The following CNTNAP4 variants were observed in gnomAD, a reference collection of about 807,000 sequenced individuals.
CNTNAP4 encodes the protein contactin associated protein family member 4.
In CNTNAP4, 98 loss-of-function variants were observed where a neutral mutation model predicts 148.4. That is an observed-to-expected ratio of 0.66 (90% confidence interval 0.56 to 0.78). The LOEUF (loss-of-function observed/expected upper bound fraction) is 0.78. Among genes scored for constraint, CNTNAP4 ranks in the 30% least tolerant of loss-of-function variants. The pLI is 0.00. For synonymous variants in CNTNAP4, 730 were observed against 565.1 expected, an observed-to-expected ratio of 1.29 and a Z score of -4.14; for missense variants, 1,935 against 1,565.6, an observed-to-expected ratio of 1.24 and a Z score of -3.98.
At chr16:76,435,140 C>T (rs1047065531) in intron 4 of CNTNAP4, among the ~76,000 whole-genome samples, 1 of 152,074 alleles carries the variant, frequency 6.6e-6, no homozygotes, top group African/African-American at 2.4e-5. Flanking sequence ...ACCTGGCCTC[C>T]CCTTCATTCA....
chr16:76,280,009 A>G (rs190359122), intron 1 of CNTNAP4, among the ~76,000 whole-genome samples: 1 of 152,324 alleles, frequency 6.6e-6, no homozygotes, highest in Non-Finnish European at 1.5e-5. Context: ...CAACCAGCAT[A>G]TGCATTTCTA....
At chr16:76,466,065 T>C (rs2143480182) in intron 9 of CNTNAP4, among the ~76,000 whole-genome samples, 1 of 152,320 alleles carries the variant, frequency 6.6e-6, no homozygotes, top group African/African-American at 2.4e-5. Context: ...TAGTGGTTGA[T>C]GACTATCATG....
rs143271971 is a variant in CNTNAP4 at position 76,341,781 on chromosome 16, C to T, written c.197-13537C>T. ...AGCCACAAGCATGAGATGTGTAGTT[C>T]AGTGAGGATGTAAAGCAAGAGAAAA... On this transcript the variant is annotated intron_variant, in intron 2 of 23. Coordinates refer to ENST00000611870, the MANE Select transcript of CNTNAP4 (RefSeq NM_033401.5). 9.6e-4 allele frequency among the ~76,000 whole-genome samples: 146 copies of T among 152,096 alleles called. 1 individual carries two copies. The highest frequency in any genetic ancestry group is 3.4e-3 in the African/African-American group (140 of 41,494).
chr16:76,285,591 C>G (rs1192595721), intron 1 of CNTNAP4, among the ~76,000 whole-genome samples: 1 of 152,056 alleles, frequency 6.6e-6, no homozygotes, highest in Non-Finnish European at 1.5e-5. Flanking sequence ...TTTCTTCCCA[C>G]TGGCAATTAT....
chr16:76,332,351 C>T (rs535595577), intron 2 of CNTNAP4, among the ~76,000 whole-genome samples: 5 of 152,266 alleles, frequency 3.3e-5, no homozygotes, highest in South Asian at 4.1e-4. Flanking sequence ...GCCTCCACCT[C>T]TTAGGCTCAA....
intron 8 of CNTNAP4, among the ~76,000 whole-genome samples, chr16:76,460,177 G>T (rs550643983): frequency 2.4e-4 from 37 of 151,840 alleles, no homozygotes; most frequent in African/African-American, 6.0e-4. Context: ...GTGCAATCTC[G>T]GCTCACCGCA....
intron 2 of CNTNAP4, 115 bp from the exon 3 acceptor site, chr16:76,355,203 T>C: frequency 5.1e-6 from 3 of 588,580 alleles, no homozygotes; most frequent in Non-Finnish European, 8.2e-6. Flanking sequence ...AGTTTCATAT[T>C]TTGGATATTT....
chr16:76,544,747 TTTTCACTC>T lies in CNTNAP4; in HGVS notation c.3442+3962_3442+3969del, dbSNP rs373104535. On this transcript the variant is annotated intron_variant, in intron 21 of 23. Coordinates refer to ENST00000611870, the MANE Select transcript of CNTNAP4 (RefSeq NM_033401.5). ...TATTTAGGTAAAAACTGAGAGATTG[TTTTCACTC>T]TTTCTCAGCATATAGCTTTTCTATA... Among the ~76,000 whole-genome samples, 722 of 152,318 alleles carry T rather than the reference TTTTCACTC, an allele frequency of 4.7e-3. 6 individuals carry two copies. Among genetic ancestry groups the T allele is most frequent in the African/African-American group, 0.017 (701 of 41,572 alleles).
At chr16:76,503,284 T>A in intron 15 of CNTNAP4, among the ~76,000 whole-genome samples, 1 of 152,116 alleles carries the variant, frequency 6.6e-6, no homozygotes, top group East Asian at 1.9e-4. Flanking sequence ...AGGAGAGGAA[T>A]TCAAGGCATT....
chr16:76,472,185 A>G (rs1432614851), intron 10 of CNTNAP4, among the ~76,000 whole-genome samples: 3 of 152,046 alleles, frequency 2.0e-5, no homozygotes, highest in Non-Finnish European at 4.4e-5. Context: ...AGAAAAGTGT[A>G]AAATACAATG....
chr16:76,460,241 G>A (rs1401720147), intron 8 of CNTNAP4, among the ~76,000 whole-genome samples: 2 of 151,884 alleles, frequency 1.3e-5, no homozygotes, highest in Non-Finnish European at 2.9e-5. Flanking sequence ...CCCAGTAGCT[G>A]GGATCACAGG....
rs796277730 is a variant in CNTNAP4, at chr16:76,444,442, A to C, written c.539-3570A>C. On this transcript the variant is annotated intron_variant, in intron 4 of 23. Coordinates refer to ENST00000611870, the MANE Select transcript of CNTNAP4 (RefSeq NM_033401.5). Reference sequence around the variant, plus strand: ...TTTATTTATTTCCACTTTTTTTTCTAATTTTTCTTAACAGTGGTAAGATCA... The same window carrying C: ...TTTATTTATTTCCACTTTTTTTTCTCATTTTTCTTAACAGTGGTAAGATCA... 2.6e-5 allele frequency among the ~76,000 whole-genome samples: 4 copies of C among 151,844 alleles called. No individual in the cohort carries two copies. In the South Asian group the frequency reaches 8.3e-4, roughly 32 times the overall value.
At chr16:76,313,336 T>C (rs1209414261) in intron 1 of CNTNAP4, among the ~76,000 whole-genome samples, 2 of 152,190 alleles carry the variant, frequency 1.3e-5, no homozygotes, top group African/African-American at 4.8e-5. Context: ...ACCTGCATGC[T>C]GAAAATGATT....
intron 12 of CNTNAP4, among the ~76,000 whole-genome samples, chr16:76,488,470 C>T (rs1323502129): frequency 1.3e-5 from 2 of 152,182 alleles, no homozygotes; most frequent in Admixed American, 6.5e-5. Flanking sequence ...TTTAGCCTGC[C>T]TCTCTAATCC....
At chr16:76,491,358 G>T (rs943250150) in intron 13 of CNTNAP4, among the ~76,000 whole-genome samples, 15 of 152,192 alleles carry the variant, frequency 9.9e-5, no homozygotes, top group Admixed American at 9.8e-4. Context: ...AACATAGATA[G>T]ATGAAACCTT....
At chr16:76,475,020 C>G (rs1254684495) in intron 10 of CNTNAP4, among the ~76,000 whole-genome samples, 2 of 152,138 alleles carry the variant, frequency 1.3e-5, no homozygotes, top group Non-Finnish European at 1.5e-5. Context: ...CAGAGCCAGG[C>G]GTGGTGGCAC....
intron 21 of CNTNAP4, among the ~76,000 whole-genome samples, chr16:76,543,932 A>G (rs1358321807): frequency 6.9e-6 from 1 of 144,454 alleles, no homozygotes; most frequent in Non-Finnish European, 1.5e-5. Flanking sequence ...TCCTTGATTC[A>G]TATATTAAAT....
rs532283199 is a variant in CNTNAP4, at chr16:76,331,261, C to T, written c.196+14738C>T. On this transcript the variant is annotated intron_variant, in intron 2 of 23. Transcript: ENST00000611870. Reference sequence around the variant, plus strand: ...GGAGTGCAGTGGCGCGATCTCGGCTCACTGTAAGCTCCGCCTCCCGGGTTC... The same window carrying T: ...GGAGTGCAGTGGCGCGATCTCGGCTTACTGTAAGCTCCGCCTCCCGGGTTC... 7.9e-5 allele frequency among the ~76,000 whole-genome samples: 12 copies of T among 152,048 alleles called. No homozygotes were observed. In the East Asian group the frequency reaches 1.9e-3, roughly 25 times the overall value.
rs770549790 is a variant in CNTNAP4 at position 76,558,566 on chromosome 16, A to G, written c.3810A>G (p.Leu1270=). The G allele has an allele frequency of 3.1e-6, 5 of 1,612,560 alleles. No individual in the cohort carries two copies. Among genetic ancestry groups the G allele is most frequent in the South Asian group, 1.1e-5 (1 of 91,020 alleles). The change falls in exon 24 of 24, where the codon TTA becomes TTG. Residue 1270 remains leucine (L), a synonymous_variant. Coordinates refer to ENST00000611870, the MANE Select transcript of CNTNAP4 (RefSeq NM_033401.5). The part of the protein sequence containing the change: ...IAVRIYQQKR[L]YKRSEAKRSE... ...TTCGCATTTATCAGCAGAAAAGGTT[A>G]TATAAAAGAAGTGAGGCAAAAAGGT...
Sources: allele counts gnomAD v4.1 joint callset (sites outside exome capture counted in the v4.1 genomes callset), GRCh38; gene constraint gnomAD v4.1.1; transcripts MANE v1.5; gene names NCBI Gene and HGNC (gene_info 2026-07-23, HGNC 2026-07-21).